ELP4: variants seen among roughly 807,000 people sequenced by gnomAD.
ELP4 encodes the protein elongator complex protein 4.
A neutral mutation model predicts 48.9 loss-of-function variants in ELP4; 51 were observed. The ratio of observed to expected loss-of-function variants is 1.04; its 90% confidence interval spans 0.83 to 1.32. The LOEUF (loss-of-function observed/expected upper bound fraction) is 1.32. Ranked by LOEUF, ELP4 falls within the 40% of genes most tolerant of loss-of-function variation. The pLI is 0.00. For missense variants in ELP4, 519 were observed against 514.6 expected (o/e 1.01, Z -0.08); for synonymous variants, 210 against 189.2 (o/e 1.11, Z -0.90).
rs144066387 is a variant in ELP4 at position 31,699,560 on chromosome 11, C to T, written c.1143+49339C>T. On this transcript the variant is annotated intron_variant, in intron 9 of 9. Coordinates refer to ENST00000640961, the MANE Select transcript of ELP4 (RefSeq NM_019040.5). ...CATTTGACAGTCATAGTTCATCACC[C>T]ATAGTTCAATTCAGATGGAAGTTTT... 3.8e-3 allele frequency among the ~76,000 whole-genome samples: 577 copies of T among 152,214 alleles called. 6 individuals are homozygous for T. The highest frequency in any genetic ancestry group is 0.013 in the African/African-American group (551 of 41,526).
chr11:31,744,054 G>C (rs1187662329), intron 9 of ELP4, among the ~76,000 whole-genome samples: 2 of 152,078 alleles, frequency 1.3e-5, no homozygotes, highest in Admixed American at 1.3e-4. Context: ...AAATGATAAA[G>C]GGGATATCAC....
intron 7 of ELP4, among the ~76,000 whole-genome samples, chr11:31,645,280 C>G (rs1336231378): frequency 6.6e-6 from 1 of 151,474 alleles, no homozygotes; most frequent in Admixed American, 6.6e-5. Context: ...ACTAGTTTTC[C>G]CTTTCGAAGT....
chr11:31,675,286 C>T (rs1026418148), intron 9 of ELP4, among the ~76,000 whole-genome samples: 4 of 149,798 alleles, frequency 2.7e-5, no homozygotes, highest in Admixed American at 6.7e-5. Context: ...TTTTTTGAGA[C>T]GGAGTTTCGC....
At chr11:31,609,183 G>A (rs906956083) in intron 5 of ELP4, among the ~76,000 whole-genome samples, 1 of 152,184 alleles carries the variant, frequency 6.6e-6, no homozygotes, top group African/African-American at 2.4e-5. Context: ...GCCACAGAAG[G>A]GAGGCTGCTA....
intron 3 of ELP4, among the ~76,000 whole-genome samples, chr11:31,560,441 A>G (rs1956999323): frequency 6.6e-6 from 1 of 151,890 alleles, no homozygotes; most frequent in African/African-American, 2.4e-5. Flanking sequence ...TTTTGCAGAC[A>G]TAGAATCTTT....
intron 3 of ELP4, among the ~76,000 whole-genome samples, chr11:31,560,704 A>AACAACGTTGTTTTATATATATATAAC (rs1957007971): frequency 6.8e-6 from 1 of 147,274 alleles, no homozygotes; most frequent in Non-Finnish European, 1.5e-5. Flanking sequence ...ATATATATAA[A>AACAACGTTGTTTTATATATATATAAC]ACAACGTTGT....
intron 9 of ELP4, among the ~76,000 whole-genome samples, chr11:31,739,604 T>A (rs1947402771): frequency 6.6e-6 from 1 of 152,194 alleles, no homozygotes; most frequent in South Asian, 2.1e-4. Flanking sequence ...AATGATTAAT[T>A]TACAGAATCT....
intron 5 of ELP4, among the ~76,000 whole-genome samples, chr11:31,611,824 A>G (rs189965187): frequency 1.2e-4 from 19 of 152,366 alleles, no homozygotes; most frequent in Admixed American, 1.2e-3. Flanking sequence ...GTAGTTAAAT[A>G]TAAAGAAAAA....
chr11:31,703,247 T>G (rs1946563944), intron 9 of ELP4, among the ~76,000 whole-genome samples: 1 of 152,062 alleles, frequency 6.6e-6, no homozygotes, highest in Admixed American at 6.5e-5. Flanking sequence ...AGGGGAACAG[T>G]GAAAAGAAGA....
chr11:31,757,112 G>T (rs1043686540), intron 9 of ELP4, among the ~76,000 whole-genome samples: 1 of 152,162 alleles, frequency 6.6e-6, no homozygotes, highest in Admixed American at 6.5e-5. Flanking sequence ...CTTAAGGAAT[G>T]CAAGAAAATC....
chr11:31,631,102 T>C (rs1944851718), intron 6 of ELP4, among the ~76,000 whole-genome samples: 1 of 152,184 alleles, frequency 6.6e-6, no homozygotes, highest in African/African-American at 2.4e-5. Flanking sequence ...TTCTAACATT[T>C]CAGTGTTGTA....
intron 3 of ELP4, among the ~76,000 whole-genome samples, chr11:31,542,710 A>G (rs895394629): frequency 2.6e-5 from 4 of 152,230 alleles, no homozygotes; most frequent in African/African-American, 9.6e-5. Context: ...AAAGTATAGT[A>G]ATATTCAAGT....
At chr11:31,745,180 C>T (rs576788903) in intron 9 of ELP4, among the ~76,000 whole-genome samples, 3 of 152,290 alleles carry the variant, frequency 2.0e-5, no homozygotes, top group Admixed American at 6.5e-5. Flanking sequence ...ATCCAACTTA[C>T]AAGGGATGTC....
At chr11:31,647,453 A>T (rs1945225838) in intron 7 of ELP4, 1 of 255,818 alleles carries the variant, frequency 3.9e-6, no homozygotes, top group African/African-American at 2.3e-5. Flanking sequence ...GTGAAAAATA[A>T]TCAATTTATG....
chr11:31,786,616 T>C lies in ELP4; in HGVS notation c.*3092T>C, dbSNP rs371438311. On this transcript the variant is annotated 3_prime_UTR_variant, in exon 10 of 10. Transcript: ENST00000640961. ...AAAGAATATAGACACAATCCTAAGATGACATTCACAGAACAAAGCTGAATC... is the reference window on the plus strand; with the variant it reads ...AAAGAATATAGACACAATCCTAAGACGACATTCACAGAACAAAGCTGAATC... The C allele has an allele frequency of 2.6e-4, 58 of 225,804 alleles. No individual in the cohort carries two copies. The East Asian group carries it at 3.7e-3, about 14-fold the overall frequency. The allele number at this position is 225,804 out of a possible 1,614,324, so 14.0% of individuals were successfully genotyped here.
At chr11:31,743,957 G>A (rs1293265940) in intron 9 of ELP4, among the ~76,000 whole-genome samples, 3 of 152,204 alleles carry the variant, frequency 2.0e-5, no homozygotes, top group Middle Eastern at 3.4e-3. Flanking sequence ...CCAGGAGCTG[G>A]TTTTTTGAAA....
At chr11:31,723,667 G>T (rs1480638597) in intron 9 of ELP4, among the ~76,000 whole-genome samples, 1 of 152,150 alleles carries the variant, frequency 6.6e-6, no homozygotes, top group African/African-American at 2.4e-5. Flanking sequence ...CCATTTTACA[G>T]CTGAAGTAAC....
chr11:31,622,458 GT>G (rs1047865546), intron 5 of ELP4, among the ~76,000 whole-genome samples: 3 of 151,428 alleles, frequency 2.0e-5, no homozygotes, highest in Admixed American at 2.0e-4. Flanking sequence ...CAAAACTGTA[GT>G]TTTTGTCTGT....
chr11:31,590,805 T>C (rs948552667), intron 3 of ELP4, among the ~76,000 whole-genome samples: 6 of 152,136 alleles, frequency 3.9e-5, no homozygotes, highest in African/African-American at 1.4e-4. Flanking sequence ...CAGAACTCAT[T>C]ATTGCAAGGA....
Sources: allele counts gnomAD v4.1 joint callset (sites outside exome capture counted in the v4.1 genomes callset), GRCh38; gene constraint gnomAD v4.1.1; transcripts MANE v1.5; gene names NCBI Gene and HGNC (gene_info 2026-07-23, HGNC 2026-07-21).